Variants in ZNF487 observed in about 807,000 individuals in gnomAD.
The protein encoded by ZNF487 is KRAB domain only 1.
Under a neutral mutation model 3.0 loss-of-function variants are expected in ZNF487, and 4 were observed. The ratio of observed to expected loss-of-function variants is 1.35; its 90% confidence interval spans 0.66 to 3.08. ZNF487 has a LOEUF of 3.08. Among genes scored for constraint, ZNF487 ranks in the 30% most tolerant of loss-of-function variants. The pLI is 0.01. For synonymous variants in ZNF487, 55 were observed against 34.6 expected (o/e 1.59, Z -2.06); for missense variants, 146 against 98.7 (o/e 1.48, Z -2.03).
At chr10:43,520,719 AT>A in the ZNF487 span, among the ~76,000 whole-genome samples, 1 of 152,266 alleles carries the variant, frequency 6.6e-6, no homozygotes, top group African/African-American at 2.4e-5. Flanking sequence ...TTATGGGATA[AT>A]AGCTATTTCT....
downstream of ZNF487, among the ~76,000 whole-genome samples, chr10:43,483,688 C>T (rs1006071666): frequency 6.6e-6 from 1 of 152,084 alleles, no homozygotes; most frequent in Non-Finnish European, 1.5e-5. Context: ...TCACCATGCT[C>T]AGCTAATTTT....
the ZNF487 span, among the ~76,000 whole-genome samples, chr10:43,508,894 T>C: frequency 6.7e-6 from 1 of 150,320 alleles, no homozygotes. Context: ...ATGTGGCCAA[T>C]GTAAATTAAA....
chr10:43,513,861 G>A, the ZNF487 span, among the ~76,000 whole-genome samples: 2 of 152,012 alleles, frequency 1.3e-5, no homozygotes, highest in Non-Finnish European at 2.9e-5. Flanking sequence ...TGATGTTTTG[G>A]GTCCCCTGGA....
chr10:43,453,129 G>A (rs1372811399), intron 1 of ZNF487: 1 of 151,998 alleles, frequency 6.6e-6, no homozygotes, highest in African/African-American at 2.4e-5. Flanking sequence ...GCTGGCAATG[G>A]TCAAAGTTAG....
chr10:43,486,457 C>T (rs546530993), downstream of ZNF487, among the ~76,000 whole-genome samples: 12 of 151,240 alleles, frequency 7.9e-5, no homozygotes, highest in Admixed American at 5.3e-4. Context: ...ACCTGGGAGG[C>T]GGAGGTTGCG....
chr10:43,464,073 A>G (rs998729640), intron 1 of ZNF487, among the ~76,000 whole-genome samples: 5 of 152,106 alleles, frequency 3.3e-5, no homozygotes, highest in African/African-American at 9.7e-5. Flanking sequence ...AGAAGCTAGA[A>G]ATACTTAAGC....
chr10:43,462,619 C>T (rs1379755078), intron 1 of ZNF487, among the ~76,000 whole-genome samples: 1 of 151,684 alleles, frequency 6.6e-6, no homozygotes, highest in Admixed American at 6.6e-5. Flanking sequence ...CCATACCCAG[C>T]TAATTTTTGT....
the ZNF487 span, among the ~76,000 whole-genome samples, chr10:43,491,624 C>T: frequency 6.6e-6 from 1 of 151,732 alleles, no homozygotes; most frequent in South Asian, 2.1e-4. Context: ...TTTGCCCAGC[C>T]TCTTTCTTTG....
At chr10:43,511,482 A>G in the ZNF487 span, among the ~76,000 whole-genome samples, 1 of 152,158 alleles carries the variant, frequency 6.6e-6, no homozygotes, top group Non-Finnish European at 1.5e-5. Context: ...TATTCTAATG[A>G]CGACAAACCT....
At chr10:43,439,854 C>T (rs1839527083) in intron 1 of ZNF487, among the ~76,000 whole-genome samples, 1 of 152,066 alleles carries the variant, frequency 6.6e-6, no homozygotes, top group Non-Finnish European at 1.5e-5. Context: ...TAGTCAAATT[C>T]ATGTAAACAG....
chr10:43,448,247 C>T (rs897994732), intron 1 of ZNF487, among the ~76,000 whole-genome samples: 2 of 151,858 alleles, frequency 1.3e-5, no homozygotes, highest in Non-Finnish European at 2.9e-5. Context: ...CCTCAGCCTC[C>T]CAAAGTGCTG....
At chr10:43,505,445 C>A in the ZNF487 span, among the ~76,000 whole-genome samples, 1 of 150,798 alleles carries the variant, frequency 6.6e-6, no homozygotes, top group African/African-American at 2.4e-5. Flanking sequence ...CCACCATGCC[C>A]GGCTAATTTT....
chr10:43,459,619 G>A (rs953576846), intron 1 of ZNF487, among the ~76,000 whole-genome samples: 1 of 151,980 alleles, frequency 6.6e-6, no homozygotes, highest in Non-Finnish European at 1.5e-5. Flanking sequence ...CACGCAGTCT[G>A]GAGTGCAGTG....
intron 1 of ZNF487, among the ~76,000 whole-genome samples, chr10:43,446,579 T>A (rs1349860301): frequency 2.7e-5 from 4 of 148,502 alleles, no homozygotes; most frequent in African/African-American, 1.0e-4. Flanking sequence ...GCAGAGGCGC[T>A]CCTCACATCC....
intron 1 of ZNF487, among the ~76,000 whole-genome samples, chr10:43,472,435 T>C (rs1840938079): frequency 6.6e-6 from 1 of 152,180 alleles, no homozygotes; most frequent in Non-Finnish European, 1.5e-5. Flanking sequence ...ATCCAGAATA[T>C]ATCCACAGAG....
At chr10:43,453,288 CAT>C (rs775236887) in intron 1 of ZNF487, 3 of 152,196 alleles carry the variant, frequency 2.0e-5, no homozygotes, top group Admixed American at 6.6e-5. Flanking sequence ...ACATACACAA[CAT>C]GTGTATCACA....
At chr10:43,504,297 T>C in the ZNF487 span, among the ~76,000 whole-genome samples, 547 of 125,130 alleles carry the variant, frequency 4.4e-3, 2 homozygotes, top group African/African-American at 0.019. Context: ...TTCTTTCTTT[T>C]TTTTTTTTTT....
the ZNF487 span, among the ~76,000 whole-genome samples, chr10:43,504,301 T>G: frequency 4.5e-5 from 5 of 111,728 alleles, no homozygotes; most frequent in African/African-American, 1.8e-4. Context: ...TTCTTTTTTT[T>G]TTTTTTTTTT....
At chr10:43,454,861 C>T (rs983470643) in intron 1 of ZNF487, among the ~76,000 whole-genome samples, 5 of 150,356 alleles carry the variant, frequency 3.3e-5, no homozygotes, top group Non-Finnish European at 7.4e-5. Context: ...GTACACATTG[C>T]TCCTATCACT....
Sources: gnomAD v4.1 joint callset for allele counts (sites outside exome capture counted in the v4.1 genomes callset) on GRCh38, gnomAD v4.1.1 for gene constraint, MANE v1.5 for transcripts, NCBI Gene and HGNC (gene_info 2026-07-23, HGNC 2026-07-21) for gene names.